The following CDH12 variants were observed in gnomAD, a reference collection of about 807,000 sequenced individuals.
CDH12 encodes cadherin-12.
In CDH12, 41 loss-of-function variants were observed where a neutral mutation model predicts 74.1. The observed-to-expected ratio is 0.55, with a 90% CI of 0.43 to 0.72. The LOEUF (loss-of-function observed/expected upper bound fraction) is 0.72, where lower values mean the gene tolerates loss of function less well. Ranked by LOEUF, CDH12 falls within the 30% of genes least tolerant of loss-of-function variation. The pLI is 0.00. For missense variants in CDH12, 945 were observed against 977.2 expected (o/e 0.97, Z 0.44); for synonymous variants, 399 against 355.0 (o/e 1.12, Z -1.39).
At chr5:22,269,207 C>CGGGAAAAA (rs1736274655) in intron 3 of CDH12, among the ~76,000 whole-genome samples, 1 of 152,008 alleles carries the variant, frequency 6.6e-6, no homozygotes, top group Non-Finnish European at 1.5e-5. Flanking sequence ...ATATTATTAC[C>CGGGAAAAA]ACTTGGCTAA....
At chr5:22,597,435 C>T (rs1013761243) in intron 1 of CDH12, among the ~76,000 whole-genome samples, 1 of 152,114 alleles carries the variant, frequency 6.6e-6, no homozygotes, top group Non-Finnish European at 1.5e-5. Flanking sequence ...GAATGAGAAA[C>T]CTAACTCCAC....
intron 3 of CDH12, among the ~76,000 whole-genome samples, chr5:22,310,646 G>C (rs1428152181): frequency 6.6e-6 from 1 of 151,984 alleles, no homozygotes; most frequent in Non-Finnish European, 1.5e-5. Flanking sequence ...AAAAGAAAAA[G>C]CCAATTGGTC....
At chr5:22,850,898 T>C (rs1450739335) in intron 1 of CDH12, among the ~76,000 whole-genome samples, 4 of 152,098 alleles carry the variant, frequency 2.6e-5, no homozygotes, top group Non-Finnish European at 5.9e-5. Context: ...ACAATGCATT[T>C]TAAGAGGCAA....
At chr5:22,385,935 A>C (rs939156584) in intron 3 of CDH12, among the ~76,000 whole-genome samples, 1 of 122,008 alleles carries the variant, frequency 8.2e-6, no homozygotes, top group African/African-American at 3.3e-5. Flanking sequence ...TTTGTTGCCC[A>C]GGCTGAATTA....
At chr5:22,395,014 C>G (rs985915517) in intron 3 of CDH12, among the ~76,000 whole-genome samples, 1 of 152,074 alleles carries the variant, frequency 6.6e-6, no homozygotes, top group Non-Finnish European at 1.5e-5. Context: ...TGGTGACTAT[C>G]ACAAAGATAA....
intron 1 of CDH12, among the ~76,000 whole-genome samples, chr5:22,796,037 A>G (rs1197829398): frequency 6.6e-6 from 1 of 152,166 alleles, no homozygotes; most frequent in Non-Finnish European, 1.5e-5. Context: ...TTTGTTTTTT[A>G]TGGCTAAACA....
At chr5:22,206,229 T>A (rs552688761) in intron 4 of CDH12, among the ~76,000 whole-genome samples, 32 of 152,202 alleles carry the variant, frequency 2.1e-4, no homozygotes, top group Middle Eastern at 3.4e-3. Flanking sequence ...ACCAGTAGCA[T>A]CAACCTCTCT....
intron 1 of CDH12, among the ~76,000 whole-genome samples, chr5:22,590,614 G>C (rs947545713): frequency 2.6e-5 from 4 of 152,098 alleles, no homozygotes; most frequent in African/African-American, 9.7e-5. Context: ...ATTCCAACTA[G>C]TAAGAATTCA....
chr5:22,066,129 T>C (rs1741540172), intron 5 of CDH12, among the ~76,000 whole-genome samples: 2 of 152,154 alleles, frequency 1.3e-5, no homozygotes, highest in South Asian at 2.1e-4. Flanking sequence ...AATATGCTTA[T>C]AAAATTTATA....
intron 4 of CDH12, among the ~76,000 whole-genome samples, chr5:22,095,669 C>G (rs999834653): frequency 1.3e-5 from 2 of 151,656 alleles, no homozygotes; most frequent in Non-Finnish European, 2.9e-5. Flanking sequence ...AACCCCCCAA[C>G]CCCTTCTCTC....
At chr5:22,520,160 G>A (rs1736987297) in intron 1 of CDH12, among the ~76,000 whole-genome samples, 1 of 152,030 alleles carries the variant, frequency 6.6e-6, no homozygotes, top group Non-Finnish European at 1.5e-5. Context: ...AAAGTTAACT[G>A]TCCTAGCCAG....
At chr5:22,475,723 G>A (rs1164115171) in intron 2 of CDH12, among the ~76,000 whole-genome samples, 1 of 151,846 alleles carries the variant, frequency 6.6e-6, no homozygotes, top group African/African-American at 2.4e-5. Flanking sequence ...CTAAGAAATT[G>A]CATTTTAATC....
At chr5:22,050,265 C>T (rs1388560292) in intron 5 of CDH12, among the ~76,000 whole-genome samples, 1 of 152,096 alleles carries the variant, frequency 6.6e-6, no homozygotes, top group Non-Finnish European at 1.5e-5. Context: ...CACCTATCTT[C>T]CCAACTCCCT....
chr5:22,207,001 C>T (rs190560289), intron 4 of CDH12, among the ~76,000 whole-genome samples: 2 of 150,704 alleles, frequency 1.3e-5, no homozygotes, highest in East Asian at 3.9e-4. Context: ...ATCACGAGGT[C>T]AGGAGATCCA....
At chr5:22,338,643 G>A (rs1010092067) in intron 3 of CDH12, among the ~76,000 whole-genome samples, 7 of 152,150 alleles carry the variant, frequency 4.6e-5, no homozygotes, top group South Asian at 2.1e-4. Flanking sequence ...GGATTATTAC[G>A]CATTGCCTCC....
intron 2 of CDH12, among the ~76,000 whole-genome samples, chr5:22,494,091 G>T (rs758957170): frequency 6.6e-6 from 1 of 152,198 alleles, no homozygotes; most frequent in Non-Finnish European, 1.5e-5. Flanking sequence ...ACTGTATATG[G>T]TCGAGCATGG....
Position 22,261,665 on chromosome 5 carries a change from G to A in CDH12, c.-332-49022C>T, listed in dbSNP as rs143924337. 7.0e-3 allele frequency among the ~76,000 whole-genome samples: 1,069 copies of A among 151,872 alleles called. 8 individuals carry two copies. Among genetic ancestry groups the A allele is most frequent in the African/African-American group, 0.025 (1,021 of 41,428 alleles). On this transcript the variant is annotated intron_variant, in intron 3 of 14. Transcript: ENST00000382254. ...AATATAAATCAAACACTGGAGAAAAGTATTCCCCCAAAATAATAAACATCA... is the reference window on the plus strand; with the variant it reads ...AATATAAATCAAACACTGGAGAAAAATATTCCCCCAAAATAATAAACATCA...
intron 1 of CDH12, among the ~76,000 whole-genome samples, chr5:22,622,288 C>G (rs1468899190): frequency 7.3e-6 from 1 of 137,692 alleles, no homozygotes; most frequent in Admixed American, 7.4e-5. Flanking sequence ...AGAGGAACAT[C>G]CCCTACTGAA....
At chr5:22,261,605 T>A (rs12521243) in intron 3 of CDH12, among the ~76,000 whole-genome samples, 54,411 of 151,942 alleles carry the variant, frequency 0.36, 11,654 homozygotes, top group Admixed American at 0.48. Flanking sequence ...CCAATTTTCA[T>A]ACAAATTAAT....
Sources: allele counts gnomAD v4.1 joint callset (sites outside exome capture counted in the v4.1 genomes callset), GRCh38; gene constraint gnomAD v4.1.1; transcripts MANE v1.5; gene names NCBI Gene and HGNC (gene_info 2026-07-23, HGNC 2026-07-21).